SLC25A26: variants seen among roughly 807,000 people sequenced by gnomAD.
The protein encoded by SLC25A26 is solute carrier family 25 member 26, also known as mitochondrial S-adenosylmethionine carrier protein.
SLC25A26 carries 36 observed loss-of-function variants against 37.8 expected under a neutral mutation model. The observed-to-expected ratio is 0.95, with a 90% CI of 0.73 to 1.26. The LOEUF is 1.26. SLC25A26 is among the 50% of genes most tolerant of loss of function. SLC25A26 has a pLI of 0.00. For missense variants in SLC25A26, 390 were observed against 331.1 expected, an observed-to-expected ratio of 1.18 and a Z score of -1.38; for synonymous variants, 129 against 122.5, an observed-to-expected ratio of 1.05 and a Z score of -0.35.
At chr3:66,234,371 C>G (rs1038717122) in intron 1 of SLC25A26, among the ~76,000 whole-genome samples, 2 of 152,206 alleles carry the variant, frequency 1.3e-5, no homozygotes, top group African/African-American at 4.8e-5. Context: ...TTAGGGAAGG[C>G]CACCTTTATA....
At chr3:66,332,269 C>G (rs2075994136) in intron 5 of SLC25A26, among the ~76,000 whole-genome samples, 2 of 152,144 alleles carry the variant, frequency 1.3e-5, no homozygotes, top group Admixed American at 6.6e-5. Flanking sequence ...GCACCTACTC[C>G]TACTGTGTTT....
At chr3:66,178,406 G>A (rs2070630862) in intron 1 of SLC25A26, among the ~76,000 whole-genome samples, 1 of 152,160 alleles carries the variant, frequency 6.6e-6, no homozygotes, top group Admixed American at 6.5e-5. Flanking sequence ...TTCCATCCCC[G>A]CCTCCTGGGG....
upstream of SLC25A26, among the ~76,000 whole-genome samples, chr3:66,219,123 G>C (rs1158064963): frequency 6.6e-6 from 1 of 152,202 alleles, no homozygotes; most frequent in African/African-American, 2.4e-5. Context: ...GAGTGCCATT[G>C]GCACCAGGCA....
chr3:66,204,431 AAAAAAAAAG>A (rs1231623099), intron 1 of SLC25A26, among the ~76,000 whole-genome samples: 27,644 of 139,098 alleles, frequency 0.2, 4,305 homozygotes, highest in African/African-American at 0.35. Flanking sequence ...GTCTCAAAAA[AAAAAAAAAG>A]AAAAAAAGAA....
intron 3 of SLC25A26, among the ~76,000 whole-genome samples, chr3:66,255,937 C>T (rs932640341): frequency 3.3e-5 from 5 of 152,076 alleles, no homozygotes; most frequent in South Asian, 2.1e-4. Context: ...GATTTTTTAT[C>T]GGAGAGGCTT....
At chr3:66,316,294 T>C (rs1250874290) in intron 5 of SLC25A26, among the ~76,000 whole-genome samples, 1 of 152,252 alleles carries the variant, frequency 6.6e-6, no homozygotes, top group African/African-American at 2.4e-5. Flanking sequence ...TCAGGAACTC[T>C]TGCAAGGCAG....
intron 5 of SLC25A26, among the ~76,000 whole-genome samples, chr3:66,330,009 G>T (rs551209743): frequency 1.2e-4 from 19 of 152,248 alleles, no homozygotes; most frequent in African/African-American, 4.6e-4. Flanking sequence ...GCCAGATGCT[G>T]TTCTAGGGGC....
In SLC25A26 at chr3:66,253,082, C is replaced by A. The variant is rs549627249; in HGVS notation, c.301-8969C>A. On this transcript the variant is annotated intron_variant, in intron 3 of 9. Coordinates refer to ENST00000354883, the MANE Select transcript of SLC25A26 (RefSeq NM_001379210.1). Reference sequence around the variant, plus strand: ...AAATCTCTGAATGTGTTTCTTCACACGGGAAAGAGATTTGGCAGATAATAT... The same window carrying A: ...AAATCTCTGAATGTGTTTCTTCACAAGGGAAAGAGATTTGGCAGATAATAT... Among the ~76,000 whole-genome samples, 48 of 141,774 alleles carry A rather than the reference C, an allele frequency of 3.4e-4. No individual in the cohort carries two copies. In the East Asian group the frequency reaches 6.4e-3, roughly 19 times the overall value. The allele number at this position is 141,774 out of a possible 152,430, so 93.0% of individuals were successfully genotyped here. A position where few individuals can be genotyped will look rare whatever the true frequency, so the allele number is the denominator to read the frequency against.
chr3:66,214,714 A>T (rs989546116), intron 1 of SLC25A26, among the ~76,000 whole-genome samples: 3 of 152,202 alleles, frequency 2.0e-5, no homozygotes, highest in Non-Finnish European at 4.4e-5. Flanking sequence ...ATGTGATTAT[A>T]TACATTGCAC....
At chr3:66,341,814 G>A (rs557108006) in intron 5 of SLC25A26, among the ~76,000 whole-genome samples, 3 of 152,126 alleles carry the variant, frequency 2.0e-5, no homozygotes, top group Admixed American at 2.0e-4. Context: ...GTAAATAAAT[G>A]AACTGTAGTT....
At chr3:66,283,313 C>T (rs1424236169) in intron 5 of SLC25A26, among the ~76,000 whole-genome samples, 5 of 152,132 alleles carry the variant, frequency 3.3e-5, no homozygotes, top group Admixed American at 1.3e-4. Context: ...GACAAGGTCT[C>T]ACTGTGTTAA....
chr3:66,256,750 A>G (rs537558467), intron 3 of SLC25A26, among the ~76,000 whole-genome samples: 4 of 152,274 alleles, frequency 2.6e-5, no homozygotes, highest in African/African-American at 9.6e-5. Flanking sequence ...TGAAAAAATT[A>G]GCAGGGTGTG....
intron 3 of SLC25A26, among the ~76,000 whole-genome samples, chr3:66,261,821 A>T (rs2073538661): frequency 6.6e-6 from 1 of 151,774 alleles, no homozygotes; most frequent in African/African-American, 2.4e-5. Flanking sequence ...ATCTGGCGGG[A>T]GGTGGCAGGA....
intron 2 of SLC25A26, among the ~76,000 whole-genome samples, chr3:66,239,945 G>A (rs2072493150): frequency 6.7e-6 from 1 of 148,204 alleles, no homozygotes; most frequent in African/African-American, 2.5e-5. Context: ...CTCTTGTAAT[G>A]TCATGACTCC....
At chr3:66,319,257 T>C (rs1401700340) in intron 5 of SLC25A26, among the ~76,000 whole-genome samples, 5 of 151,990 alleles carry the variant, frequency 3.3e-5, no homozygotes, top group Non-Finnish European at 7.4e-5. Context: ...TGTTTTTTTT[T>C]CTGTCTTTTT....
intron 1 of SLC25A26, among the ~76,000 whole-genome samples, chr3:66,151,084 AC>A (rs1296666541): frequency 6.6e-6 from 1 of 152,078 alleles, no homozygotes; most frequent in African/African-American, 2.4e-5. Context: ...AAGTTAAGGA[AC>A]CTAGGCTAGG....
chr3:66,269,298 G>A (rs1463027848), intron 5 of SLC25A26, among the ~76,000 whole-genome samples: 6 of 152,162 alleles, frequency 3.9e-5, no homozygotes, highest in African/African-American at 1.4e-4. Context: ...CAGACATGTT[G>A]ATGACTAACA....
chr3:66,316,993 A>C (rs931005119), intron 5 of SLC25A26, among the ~76,000 whole-genome samples: 17 of 152,264 alleles, frequency 1.1e-4, no homozygotes, highest in African/African-American at 4.1e-4. Flanking sequence ...ATTTTGGTTA[A>C]CAGGTCCTGT....
chr3:66,150,634 A>ATATATATATC (rs2070193595), intron 1 of SLC25A26, among the ~76,000 whole-genome samples: 1 of 87,572 alleles, frequency 1.1e-5, no homozygotes, highest in Non-Finnish European at 2.3e-5. Flanking sequence ...ATATATATAT[A>ATATATATATC]TATATATATA....
Sources: gnomAD v4.1 joint callset for allele counts (sites outside exome capture counted in the v4.1 genomes callset) on GRCh38, gnomAD v4.1.1 for gene constraint, MANE v1.5 for transcripts, NCBI Gene and HGNC (gene_info 2026-07-23, HGNC 2026-07-21) for gene names.